EPB41L3: variants seen among roughly 807,000 people sequenced by gnomAD.
The protein encoded by EPB41L3 is erythrocyte membrane protein band 4.1 like 3.
EPB41L3 carries 57 observed loss-of-function variants against 127.1 expected under a neutral mutation model. The ratio of observed to expected loss-of-function variants is 0.45; its 90% CI spans 0.36 to 0.56. The LOEUF is 0.56. Among genes scored for constraint, EPB41L3 ranks in the 20% least tolerant of loss-of-function variants. The pLI is 0.00. For missense variants in EPB41L3, 1,273 were observed against 1,372.2 expected (o/e 0.93, Z 1.14); for synonymous variants, 572 against 549.5 (o/e 1.04, Z -0.57).
At chr18:5,586,437 T>C (rs2094442808) in intron 3 of EPB41L3, among the ~76,000 whole-genome samples, 1 of 151,472 alleles carries the variant, frequency 6.6e-6, no homozygotes, top group African/African-American at 2.4e-5. Flanking sequence ...TCTTGCTCTG[T>C]CATGCAGGTT....
At chr18:5,593,353 C>G (rs866625013) in intron 3 of EPB41L3, among the ~76,000 whole-genome samples, 1 of 151,988 alleles carries the variant, frequency 6.6e-6, no homozygotes, top group African/African-American at 2.4e-5. Context: ...GCTGGGCGTC[C>G]GAGGGAGACA....
intron 1 of EPB41L3, among the ~76,000 whole-genome samples, chr18:5,510,867 A>G (rs1477209430): frequency 6.6e-6 from 1 of 152,164 alleles, no homozygotes; most frequent in African/African-American, 2.4e-5. Flanking sequence ...CTACATCAAT[A>G]TTTTTACCTT....
chr18:5,399,378 TC>T (rs2074120262), intron 16 of EPB41L3: 3 of 398,804 alleles, frequency 7.5e-6, no homozygotes, highest in Non-Finnish European at 1.3e-5. Flanking sequence ...AACCCAATCC[TC>T]TGTGCCCTAT....
chr18:5,501,260 G>A (rs939596260), intron 1 of EPB41L3, among the ~76,000 whole-genome samples: 2 of 145,906 alleles, frequency 1.4e-5, no homozygotes, highest in African/African-American at 5.0e-5. Context: ...CAGCAGACTG[G>A]GGGTCATTAA....
rs145208140 is a variant in EPB41L3 at position 5,621,295 on chromosome 18, A to G, written c.-467-6872T>C. ...GAGATCTCCAGTGATCCCTAAACCC[A>G]GTTGGGAGAAATCTGACTATGGTTA... is the stretch of plus-strand genomic sequence containing the variant. On this transcript the variant is annotated intron_variant, in intron 1 of 21. Transcript: ENST00000545076. Among the ~76,000 whole-genome samples the G allele has an allele frequency of 1.7e-3, 254 of 152,318 alleles. 1 individual carries two copies. Among genetic ancestry groups the G allele is most frequent in the African/African-American group, 5.2e-3 (216 of 41,582 alleles).
At chr18:5,395,760 A>G in intron 19 of EPB41L3, 53 bp from the exon 20 acceptor site, 3 of 1,393,262 alleles carry the variant, frequency 2.2e-6, no homozygotes, top group Non-Finnish European at 3.0e-6. Context: ...TCTGCTCTTC[A>G]GAAGTTGGCT....
At chr18:5,537,708 A>C (rs2093612141) in intron 1 of EPB41L3, among the ~76,000 whole-genome samples, 1 of 152,176 alleles carries the variant, frequency 6.6e-6, no homozygotes, top group Non-Finnish European at 1.5e-5. Flanking sequence ...ATTCCAGCTA[A>C]AGGCAGGTCT....
At chr18:5,517,560 C>T (rs756387700) in intron 1 of EPB41L3, among the ~76,000 whole-genome samples, 1 of 152,092 alleles carries the variant, frequency 6.6e-6, no homozygotes, top group Non-Finnish European at 1.5e-5. Flanking sequence ...CTCAGCTTTC[C>T]GAGTAGCTGG....
At chr18:5,411,112 T>C (rs1015052659) in intron 13 of EPB41L3, among the ~76,000 whole-genome samples, 7 of 152,268 alleles carry the variant, frequency 4.6e-5, no homozygotes, top group Admixed American at 3.9e-4. Flanking sequence ...TATACCATTA[T>C]GATAATTTAT....
chr18:5,430,868 G>C (rs190391895), intron 8 of EPB41L3, among the ~76,000 whole-genome samples: 2 of 151,970 alleles, frequency 1.3e-5, no homozygotes, highest in African/African-American at 4.8e-5. Flanking sequence ...AGAAATCTTT[G>C]GTTTTAAAAG....
At chr18:5,537,010 T>A (rs1273077055) in intron 1 of EPB41L3, among the ~76,000 whole-genome samples, 2 of 152,210 alleles carry the variant, frequency 1.3e-5, no homozygotes, top group Non-Finnish European at 2.9e-5. Context: ...AGTGTTTGCA[T>A]GTATTACATC....
At chr18:5,449,467 G>C (rs2081985446) in intron 3 of EPB41L3, among the ~76,000 whole-genome samples, 1 of 152,162 alleles carries the variant, frequency 6.6e-6, no homozygotes, top group African/African-American at 2.4e-5. Flanking sequence ...CAACAATCAT[G>C]CTCCTTGGTA....
At chr18:5,478,898 G>A (rs1409465519) in intron 2 of EPB41L3, among the ~76,000 whole-genome samples, 1 of 152,160 alleles carries the variant, frequency 6.6e-6, no homozygotes, top group Non-Finnish European at 1.5e-5. Flanking sequence ...CTAAGACCTG[G>A]AGAGCTTCAA....
At chr18:5,408,840 AG>A (rs1384878185) in intron 14 of EPB41L3, among the ~76,000 whole-genome samples, 3 of 152,216 alleles carry the variant, frequency 2.0e-5, no homozygotes, top group African/African-American at 7.2e-5. Context: ...ATTAGTAAGC[AG>A]GCCAAGCCAC....
upstream of EPB41L3, among the ~76,000 whole-genome samples, chr18:5,629,415 C>CACACACA (rs1555828630): frequency 1.4e-5 from 2 of 143,756 alleles, no homozygotes; most frequent in East Asian, 2.2e-4. Flanking sequence ...TCCTTACACA[C>CACACACA]CACACACACA....
At chr18:5,416,986 C>T (rs879328068) in intron 12 of EPB41L3, among the ~76,000 whole-genome samples, 5 of 152,136 alleles carry the variant, frequency 3.3e-5, no homozygotes, top group Admixed American at 1.3e-4. Flanking sequence ...ATCAGGGATT[C>T]GACAGTTAGC....
intron 3 of EPB41L3, among the ~76,000 whole-genome samples, chr18:5,597,265 G>A (rs1354371219): frequency 6.6e-6 from 1 of 151,956 alleles, no homozygotes; most frequent in Non-Finnish European, 1.5e-5. Context: ...CCCTTATTCT[G>A]GATCTGTCTC....
intron 5 of EPB41L3, among the ~76,000 whole-genome samples, chr18:5,441,613 A>C (rs369045746): frequency 0.046 from 6,956 of 151,956 alleles, 147 homozygotes; most frequent in South Asian, 0.069. Flanking sequence ...CTACAGGCGC[A>C]CGCCACCATG....
intron 3 of EPB41L3, among the ~76,000 whole-genome samples, chr18:5,560,528 C>A (rs2094109599): frequency 6.6e-6 from 1 of 152,116 alleles, no homozygotes; most frequent in Non-Finnish European, 1.5e-5. Context: ...AAGTCAAAGC[C>A]TCAGGTAAAG....
Sources: gnomAD v4.1 joint callset for allele counts (sites outside exome capture counted in the v4.1 genomes callset) on GRCh38, gnomAD v4.1.1 for gene constraint, MANE v1.5 for transcripts, NCBI Gene and HGNC (gene_info 2026-07-23, HGNC 2026-07-21) for gene names.